MYRIP: variants seen among roughly 807,000 people sequenced by gnomAD.
MYRIP encodes myosin VIIA and Rab interacting protein, also known as rab effector MyRIP.
A neutral mutation model predicts 98.0 loss-of-function variants in MYRIP; 49 were observed. That is an observed-to-expected ratio of 0.50 (90% CI 0.40 to 0.63). MYRIP has a LOEUF of 0.63. MYRIP is among the 30% of genes least tolerant of loss of function. MYRIP has a pLI of 0.00. For missense variants in MYRIP, 1,004 were observed against 1,058.2 expected (o/e 0.95, Z 0.71); for synonymous variants, 404 against 409.5 (o/e 0.99, Z 0.16).
chr3:39,872,343 TATTA>T, intron 1 of MYRIP, among the ~76,000 whole-genome samples: 1 of 152,008 alleles, frequency 6.6e-6, no homozygotes, highest in Non-Finnish European at 1.5e-5. Context: ...TCTTTATTAT[TATTA>T]TTATTATACT....
At chr3:40,024,216 A>G (rs577006807) in intron 2 of MYRIP, among the ~76,000 whole-genome samples, 1 of 152,334 alleles carries the variant, frequency 6.6e-6, no homozygotes, top group East Asian at 1.9e-4. Context: ...GAAGTCATTC[A>G]TAGCTCTTAA....
chr3:39,870,441 C>T (rs1247769786), intron 1 of MYRIP, among the ~76,000 whole-genome samples: 3 of 152,210 alleles, frequency 2.0e-5, no homozygotes, highest in Admixed American at 6.5e-5. Flanking sequence ...TTAATATTTT[C>T]GTTTAGCTAG....
At chr3:40,236,003 T>C (rs1575666128) in intron 12 of MYRIP, among the ~76,000 whole-genome samples, 1 of 152,224 alleles carries the variant, frequency 6.6e-6, no homozygotes, top group African/African-American at 2.4e-5. Context: ...CCATTTAGTT[T>C]GTACTCCTAA....
intron 3 of MYRIP, among the ~76,000 whole-genome samples, chr3:40,133,945 C>T (rs1949702988): frequency 6.6e-6 from 1 of 152,154 alleles, no homozygotes; most frequent in Non-Finnish European, 1.5e-5. Flanking sequence ...TCTACAGCTC[C>T]CAGCATGAGC....
At chr3:40,204,457 C>T (rs550083619) in intron 10 of MYRIP, among the ~76,000 whole-genome samples, 50 of 151,110 alleles carry the variant, frequency 3.3e-4, no homozygotes, top group Middle Eastern at 3.4e-3. Flanking sequence ...GCTGGGATTA[C>T]AGGCCTGAAC....
chr3:40,034,930 G>A (rs1176725752), intron 2 of MYRIP, among the ~76,000 whole-genome samples: 1 of 151,620 alleles, frequency 6.6e-6, no homozygotes, highest in African/African-American at 2.4e-5. Flanking sequence ...GTAGGGACAT[G>A]GATGAAATTG....
At chr3:40,024,593 C>G (rs1229816760) in intron 2 of MYRIP, among the ~76,000 whole-genome samples, 2 of 151,384 alleles carry the variant, frequency 1.3e-5, no homozygotes, top group African/African-American at 4.9e-5. Flanking sequence ...TTACATGTCC[C>G]TGGCCAAAGT....
At chr3:39,903,353 A>G (rs1943790747) in intron 2 of MYRIP, among the ~76,000 whole-genome samples, 3 of 152,234 alleles carry the variant, frequency 2.0e-5, no homozygotes, top group Admixed American at 2.0e-4. Context: ...AACTCATAAT[A>G]GAAGACTTTT....
At chr3:39,850,390 C>T (rs979727330) in intron 1 of MYRIP, among the ~76,000 whole-genome samples, 1 of 152,186 alleles carries the variant, frequency 6.6e-6, no homozygotes, top group Admixed American at 6.5e-5. Context: ...CAAAATTTAT[C>T]CTGGGTCCTG....
intron 3 of MYRIP, among the ~76,000 whole-genome samples, chr3:40,122,882 C>G (rs1292865788): frequency 6.6e-6 from 1 of 151,456 alleles, no homozygotes; most frequent in Non-Finnish European, 1.5e-5. Flanking sequence ...TTTTTTTTAA[C>G]TTTTATTTTA....
intron 11 of MYRIP, among the ~76,000 whole-genome samples, chr3:40,227,858 T>C (rs533990729): frequency 6.6e-6 from 1 of 152,298 alleles, no homozygotes; most frequent in South Asian, 2.1e-4. Flanking sequence ...TTTAATCTTC[T>C]TGAAAGCTTC....
chr3:40,026,879 C>T (rs1171668366), intron 2 of MYRIP, among the ~76,000 whole-genome samples: 1 of 152,168 alleles, frequency 6.6e-6, no homozygotes, highest in Admixed American at 6.5e-5. Context: ...TTCCCCTCTT[C>T]AGCCTTTTTC....
At position 39,918,127 on chromosome 3, in the gene MYRIP, C is replaced by T. The variant is rs527832676; in HGVS notation, c.110+17201C>T. On this transcript the variant is annotated intron_variant, in intron 2 of 16. Transcript: ENST00000302541. ...ATTTTTAGTAGAGACGGGGTTTCAC[C>T]GTGGTCTCGATCTCCTGACCTCGTG... Among the ~76,000 whole-genome samples, 705 of 152,134 alleles carry T rather than the reference C, an allele frequency of 4.6e-3. 4 individuals are homozygous for T. The highest frequency in any genetic ancestry group is 0.01 in the Middle Eastern group (3 of 294).
chr3:40,206,018 C>T (rs1361510349), intron 10 of MYRIP, among the ~76,000 whole-genome samples: 1 of 152,082 alleles, frequency 6.6e-6, no homozygotes, highest in Admixed American at 6.6e-5. Flanking sequence ...GAGGCATGGA[C>T]CCCTGTGAAA....
intron 11 of MYRIP, among the ~76,000 whole-genome samples, chr3:40,212,473 T>C (rs1235022346): frequency 6.6e-6 from 1 of 151,772 alleles, no homozygotes; most frequent in Non-Finnish European, 1.5e-5. Flanking sequence ...TTAGACTGAG[T>C]TTGAAGCATA....
At chr3:40,024,570 G>GTTT (rs1215319587) in intron 2 of MYRIP, among the ~76,000 whole-genome samples, 10 of 145,994 alleles carry the variant, frequency 6.8e-5, no homozygotes, top group Admixed American at 1.4e-4. Context: ...CTTTTTGTGG[G>GTTT]TTTTTTTTTT....
chr3:40,073,360 A>C (rs888432989), intron 3 of MYRIP, among the ~76,000 whole-genome samples: 1 of 152,200 alleles, frequency 6.6e-6, no homozygotes, highest in Non-Finnish European at 1.5e-5. Flanking sequence ...AGAGTTCTGC[A>C]CTGCGGGTTT....
At chr3:40,121,006 T>C (rs566522099) in intron 3 of MYRIP, among the ~76,000 whole-genome samples, 64 of 152,124 alleles carry the variant, frequency 4.2e-4, no homozygotes, top group African/African-American at 1.4e-3. Flanking sequence ...GAGGAATGAA[T>C]CAAGCATGAG....
chr3:40,018,305 C>G (rs1470631079), intron 2 of MYRIP, among the ~76,000 whole-genome samples: 2 of 152,198 alleles, frequency 1.3e-5, no homozygotes, highest in African/African-American at 4.8e-5. Context: ...TCAGCTCCCA[C>G]TTTTACAAGG....
Sources: gnomAD v4.1 joint callset for allele counts (sites outside exome capture counted in the v4.1 genomes callset) on GRCh38, gnomAD v4.1.1 for gene constraint, MANE v1.5 for transcripts, NCBI Gene and HGNC (gene_info 2026-07-23, HGNC 2026-07-21) for gene names.